ARHGAP9: variants seen among roughly 807,000 people sequenced by gnomAD.
ARHGAP9 encodes the protein Rho GTPase activating protein 9, also known as rho GTPase-activating protein 9.
Under a neutral mutation model 87.3 loss-of-function variants are expected in ARHGAP9, and 76 were observed. That is an observed-to-expected ratio of 0.87 (90% CI 0.72 to 1.05). ARHGAP9 has a LOEUF of 1.05. Among genes scored for constraint, ARHGAP9 ranks in the 50% least tolerant of loss-of-function variants. The probability of loss-of-function intolerance (pLI) is 0.00; values close to 1 mark genes in which losing one functional copy is unlikely to be tolerated. For synonymous variants in ARHGAP9, 382 were observed against 394.9 expected, an observed-to-expected ratio of 0.97 and a Z score of 0.39; for missense variants, 941 against 960.5, an observed-to-expected ratio of 0.98 and a Z score of 0.27.
In ARHGAP9 at chr12:57,475,846, A is replaced by G; in HGVS notation, c.1298T>C (p.Val433Ala). The G allele has an allele frequency of 1.2e-6, 2 of 1,613,716 alleles. No individual in the cohort carries two copies. Among genetic ancestry groups the G allele is most frequent in the South Asian group, 1.1e-5 (1 of 91,058 alleles). The change falls in exon 10 of 18, where the codon GTC (valine) becomes GCC (alanine). Residue 433 changes from valine (V) to alanine (A), a missense_variant. Physicochemically the swap from Val to Ala is moderately conservative, Grantham distance 64. Coordinates refer to ENST00000393791, the MANE Select transcript of ARHGAP9 (RefSeq NM_032496.4). ...LRAWHRALRT[V>A]IERLDRENPL... ...CACCCATCTAACCAGCCGCTCGATGACAGTCCGCAGCGCGCGGTGCCAGGC... is the reference window on the plus strand; with the variant it reads ...CACCCATCTAACCAGCCGCTCGATGGCAGTCCGCAGCGCGCGGTGCCAGGC...
chr12:57,473,300 T>G (rs1006817999), intron 17 of ARHGAP9, among the ~76,000 whole-genome samples: 3 of 151,854 alleles, frequency 2.0e-5, no homozygotes, highest in African/African-American at 7.3e-5. Flanking sequence ...GTAATCCCAG[T>G]TACTCAGGAG....
chr12:57,472,902 T>G (rs995945847), intron 17 of ARHGAP9, among the ~76,000 whole-genome samples: 1 of 152,130 alleles, frequency 6.6e-6, no homozygotes, highest in Admixed American at 6.5e-5. Flanking sequence ...TCTTCCGACT[T>G]CAGGGGCTGC....
chr12:57,476,296 C>A, intron 8 of ARHGAP9, 68 bp downstream of exon 8: 1 of 1,572,748 alleles, frequency 6.4e-7, no homozygotes, highest in Non-Finnish European at 8.7e-7. Context: ...TCCCCGCTGC[C>A]GCCCCCACAT....
rs745931260 is a variant in ARHGAP9 at position 57,474,193 on chromosome 12, G to T, written c.1784-17C>A. On this transcript the variant is annotated splice_polypyrimidine_tract_variant and intron_variant, in intron 15 of 17. Transcript: ENST00000393791. ...ACCGACCTTCTGGAGGGAGAAGGAGGTATAGGGGCTCATGAAGGGCCAGAA... is the reference window on the plus strand; with the variant it reads ...ACCGACCTTCTGGAGGGAGAAGGAGTTATAGGGGCTCATGAAGGGCCAGAA... 6.2e-7 allele frequency: 1 copy of T among 1,604,894 alleles called. No individual in the cohort carries two copies. Among genetic ancestry groups the T allele is most frequent in the African/African-American group, 1.3e-5 (1 of 74,424 alleles).
intron 12 of ARHGAP9, 131 bp downstream of exon 12, chr12:57,475,160 A>G: frequency 8.6e-7 from 1 of 1,164,224 alleles, no homozygotes; most frequent in Admixed American, 2.4e-5. Context: ...AGGTCACCCC[A>G]GCTTCTCCCC....
At chr12:57,485,604 G>A (rs901819213) in intron 1 of ARHGAP9, among the ~76,000 whole-genome samples, 1 of 151,226 alleles carries the variant, frequency 6.6e-6, no homozygotes, top group South Asian at 2.1e-4. Context: ...TGGCCAGGCA[G>A]TCTTGAATTC....
chr12:57,474,570 C>A, intron 14 of ARHGAP9, 56 bp downstream of exon 14: 1 of 1,612,978 alleles, frequency 6.2e-7, no homozygotes, highest in African/African-American at 1.3e-5. Flanking sequence ...TAGGACCGCC[C>A]ATGGTTCTCA....
rs1353325322 is a variant in ARHGAP9, at chr12:57,479,548, G to A, written c.-18-124C>T. On this transcript the variant is annotated intron_variant, in intron 1 of 17. Coordinates refer to ENST00000393791, the MANE Select transcript of ARHGAP9 (RefSeq NM_032496.4). ...GGACGGGAGCCCTTGAGTTGGGGGA[G>A]AGGGTAGAGCAAACAGCCTGGTGAG... 3.3e-6 allele frequency: 5 copies of A among 1,495,480 alleles called. No individual in the cohort carries two copies. The South Asian group carries it at 4.0e-5, about 12-fold the overall frequency. The allele number at this position is 1,495,480 out of a possible 1,614,324, so 92.6% of individuals were successfully genotyped here. A position where few individuals can be genotyped will look rare whatever the true frequency, so the allele number is the denominator to read the frequency against.
chr12:57,488,116 T>C, intron 1 of ARHGAP9: 1 of 1,614,172 alleles, frequency 6.2e-7, no homozygotes, highest in Non-Finnish European at 8.5e-7. Flanking sequence ...AGTGATGGCG[T>C]CCCGGGTTGC....
chr12:57,485,085 A>G (rs1487187648), intron 1 of ARHGAP9, among the ~76,000 whole-genome samples: 1 of 151,658 alleles, frequency 6.6e-6, no homozygotes, highest in Non-Finnish European at 1.5e-5. Flanking sequence ...AGCTGGGATT[A>G]CAGGCATGCA....
rs147044600 is a variant in ARHGAP9 at position 57,484,890 on chromosome 12, C to T, written c.-203-927G>A. On this transcript the variant is annotated intron_variant, in intron 1 of 20. Transcript: ENST00000393797. ...CGAACTCCTGACCTCAGGTGATCCG[C>T]CTGCCTCGGCCTCCCAAAGTGCTAG... Among the ~76,000 whole-genome samples, 843 of 149,500 alleles carry T rather than the reference C, an allele frequency of 5.6e-3. 9 individuals are homozygous for T. Among genetic ancestry groups the T allele is most frequent in the African/African-American group, 0.019 (786 of 40,558 alleles).
At position 57,477,674 on chromosome 12, in the gene ARHGAP9, G is replaced by A. The variant is rs772133488; in HGVS notation, c.541C>T (p.Pro181Ser). 5 of 1,611,472 alleles carry A rather than the reference G, an allele frequency of 3.1e-6. No individual in the cohort carries two copies. In the South Asian group the frequency reaches 5.5e-5, roughly 18 times the overall value. Residue 181 changes from proline (P) to serine (S), a missense_variant, in exon 4 of 18, where the codon CCC becomes TCC. By Grantham distance (74) the Pro-to-Ser change is moderately conservative. Coordinates refer to ENST00000393791, the MANE Select transcript of ARHGAP9 (RefSeq NM_032496.4). ...PSEASASTAGPQPLMSEPPVY... is the reference protein window; with the variant it reads ...PSEASASTAGSQPLMSEPPVY... Reference sequence around the variant, plus strand: ...GGGGGCTCTGACATGAGGGGCTGGGGGCCTGCCTGCCAGAAAAGGGGGAAG... The same window carrying A: ...GGGGGCTCTGACATGAGGGGCTGGGAGCCTGCCTGCCAGAAAAGGGGGAAG...
chr12:57,477,400 T>C, intron 4 of ARHGAP9, 59 bp downstream of exon 4: 1 of 1,580,698 alleles, frequency 6.3e-7, no homozygotes, highest in Admixed American at 1.7e-5. Flanking sequence ...TACCTTGAGG[T>C]TCATCAGGGG....
In ARHGAP9 at chr12:57,476,620, G is replaced by A. The variant is rs1188184363; in HGVS notation, c.995C>T (p.Thr332Ile). Residue 332 changes from threonine (T) to isoleucine (I), a missense_variant, in exon 7 of 18, where the codon ACC (threonine) becomes ATC (isoleucine). Physicochemically the swap from Thr to Ile is moderately conservative, Grantham distance 89. Coordinates refer to ENST00000393791, the MANE Select transcript of ARHGAP9 (RefSeq NM_032496.4). ...EVEKSGLLNMTKIAQGGRKLR... is the reference protein window; with the variant it reads ...EVEKSGLLNMIKIAQGGRKLR... ...CTTGCGCCCCCCTTGGGCAATCTTG[G>A]TCATGTTGAGCAGACCCGACTTTTC... is the stretch of plus-strand genomic sequence containing the variant. 1 of 1,614,138 alleles carries A rather than the reference G, an allele frequency of 6.2e-7. No individual in the cohort carries two copies. The highest frequency in any genetic ancestry group is 8.5e-7 in the Non-Finnish European group (1 of 1,180,030).
At chr12:57,474,213 C>A in intron 15 of ARHGAP9, 37 bp from the exon 16 acceptor site, 1 of 1,597,606 alleles carries the variant, frequency 6.3e-7, no homozygotes. Context: ...TCATGAAGGG[C>A]CAGAAAGATT....
chr12:57,478,054 G>C, intron 3 of ARHGAP9: 1 of 872,086 alleles, frequency 1.1e-6, no homozygotes, highest in Non-Finnish European at 1.5e-6. Context: ...GAAGGGAAGA[G>C]GAGCCCCTTT....
chr12:57,486,615 C>CTGT (rs1555164939), intron 1 of ARHGAP9, among the ~76,000 whole-genome samples: 1 of 858 alleles, frequency 1.2e-3, no homozygotes, highest in Non-Finnish European at 3.0e-3. Flanking sequence ...TGGCCGGGCG[C>CTGT]GGCTGCACGC....
chr12:57,472,295 GTT>G lies in ARHGAP9; in HGVS notation c.*220_*221del. ...ACCATGCCACTTTATGTATTATTAT[GTT>G]GGGGAGGAATGATAACAGGGAACAA... On this transcript the variant is annotated 3_prime_UTR_variant, in exon 18 of 18. Transcript: ENST00000393791. 1 of 619,078 alleles carries G rather than the reference GTT, an allele frequency of 1.6e-6. No homozygotes were observed. Among genetic ancestry groups the G allele is most frequent in the South Asian group, 2.2e-5 (1 of 44,448 alleles). The allele number at this position is 619,078 out of a possible 1,614,324, so 38.3% of individuals were successfully genotyped here.
At chr12:57,473,107 T>C (rs1872378824) in intron 17 of ARHGAP9, among the ~76,000 whole-genome samples, 1 of 152,194 alleles carries the variant, frequency 6.6e-6, no homozygotes. Flanking sequence ...ATTTCCCCAC[T>C]TGATGCTGAC....
Sources: allele counts gnomAD v4.1 joint callset (sites outside exome capture counted in the v4.1 genomes callset), GRCh38; gene constraint gnomAD v4.1.1; transcripts MANE v1.5; gene names NCBI Gene and HGNC (gene_info 2026-07-23, HGNC 2026-07-21).